The following DIPK2A variants were observed in gnomAD, a reference collection of about 807,000 sequenced individuals.
The protein encoded by DIPK2A is divergent protein kinase domain 2A, also known as Golgi Protein of 49 kDa.
A neutral mutation model predicts 39.0 loss-of-function variants in DIPK2A; 27 were observed. The observed-to-expected ratio is 0.69, with a 90% confidence interval of 0.51 to 0.96. The LOEUF (loss-of-function observed/expected upper bound fraction) is 0.96. Ranked by LOEUF, DIPK2A falls within the 40% of genes least tolerant of loss-of-function variation. The probability of loss-of-function intolerance (pLI) is 0.00; values close to 1 mark genes in which losing one functional copy is unlikely to be tolerated. For synonymous variants in DIPK2A, 298 were observed against 240.8 expected, an observed-to-expected ratio of 1.24 and a Z score of -2.20; for missense variants, 528 against 571.3, an observed-to-expected ratio of 0.92 and a Z score of 0.77.
At position 143,989,601 on chromosome 3, in the gene DIPK2A, T is replaced by C. The variant is rs2087951092; in HGVS notation, c.1053T>C (p.Cys351=). ...ACLSFSKEIL[C]ARATVDHNYY... ...TATCATTTTCAAAAGAAATTCTTTG[T>C]GCTCGTGCCACTGTGGACCACAATT... The change falls in exon 3 of 3, where the codon TGT becomes TGC. Residue 351 remains cysteine, a synonymous_variant. Coordinates refer to ENST00000315691, the MANE Select transcript of DIPK2A (RefSeq NM_173552.5). 2 of 1,614,250 alleles carry C rather than the reference T, an allele frequency of 1.2e-6. No homozygotes were observed. Among genetic ancestry groups the C allele is most frequent in the Non-Finnish European group, 1.7e-6 (2 of 1,180,034 alleles).
intron 1 of DIPK2A, among the ~76,000 whole-genome samples, chr3:143,974,930 T>C (rs1389941137): frequency 1.3e-5 from 2 of 152,178 alleles, no homozygotes; most frequent in African/African-American, 4.8e-5. Context: ...TACTTTGTAG[T>C]TGAGATAGTC....
intron 1 of DIPK2A, among the ~76,000 whole-genome samples, chr3:143,984,620 A>C (rs1576811696): frequency 6.6e-6 from 1 of 152,054 alleles, no homozygotes; most frequent in Non-Finnish European, 1.5e-5. Flanking sequence ...TAGCAGTGGA[A>C]GGTATCTTAG....
At chr3:143,985,032 T>C (rs1161749479) in intron 1 of DIPK2A, among the ~76,000 whole-genome samples, 1 of 152,188 alleles carries the variant, frequency 6.6e-6, no homozygotes, top group Non-Finnish European at 1.5e-5. Context: ...TTCATAATTA[T>C]TTGTTTGGTG....
rs1327315406 is a variant in DIPK2A at position 143,990,911 on chromosome 3, T to G, written c.*1070T>G. 6 of 152,578 alleles carry G rather than the reference T, an allele frequency of 3.9e-5. No individual in the cohort carries two copies. Among genetic ancestry groups the G allele is most frequent in the Admixed American group, 3.9e-4 (6 of 15,278 alleles). 9.5% of individuals were successfully genotyped at this position (152,578 alleles called of 1,614,324 possible). ...ACTGCTTTCAAGTAATTTAAAGTTA[T>G]CCTACCTTTTATTCATGGGTAGTTT... On this transcript the variant is annotated 3_prime_UTR_variant, in exon 3 of 3. Coordinates refer to ENST00000315691, the MANE Select transcript of DIPK2A (RefSeq NM_173552.5).
intron 2 of DIPK2A, among the ~76,000 whole-genome samples, chr3:143,988,352 G>A (rs1171824269): frequency 6.6e-6 from 1 of 152,020 alleles, no homozygotes; most frequent in African/African-American, 2.4e-5. Flanking sequence ...CTCCCACCTT[G>A]GCCTCTCAAA....
In DIPK2A at chr3:143,978,618, ATATC is replaced by A. The variant is rs1371190156; in HGVS notation, c.657+5633_657+5636del. The A allele has an allele frequency of 2.1e-4, 7 of 32,746 alleles. 1 individual carries two copies. In the African/African-American group the frequency reaches 2.8e-3, roughly 13 times the overall value. The allele number at this position is 32,746 out of a possible 1,614,324, so 2.0% of individuals were successfully genotyped here. ...TCTATCTATCTATATATATATATCT[ATATC>A]TATATATATATATATATCTATATAT... is the stretch of plus-strand genomic sequence containing the variant. On this transcript the variant is annotated intron_variant, in intron 1 of 2. Coordinates refer to ENST00000315691, the MANE Select transcript of DIPK2A (RefSeq NM_173552.5).
chr3:143,972,382 A>G lies in DIPK2A; in HGVS notation c.50A>G (p.Lys17Arg). The G allele has an allele frequency of 4.9e-6, 7 of 1,421,332 alleles. No individual in the cohort carries two copies. The highest frequency in any genetic ancestry group is 6.4e-6 in the Non-Finnish European group (7 of 1,085,898). 88.0% of individuals were successfully genotyped at this position (1,421,332 alleles called of 1,614,324 possible). ...PKLGRLSRSL[K>R]LAALGSLLVL... ...CTGGGCCGCCTGTCCCGCTCGCTGA[A>G]GCTGGCGGCGCTGGGCAGCCTGTTG... Residue 17 changes from lysine (K) to arginine (R), a missense_variant, in exon 1 of 3, where the codon AAG (lysine) becomes AGG (arginine). Physicochemically the swap from Lys to Arg is conservative, Grantham distance 26 (BLOSUM62 2). This residue lies in a region of DIPK2A where 309 missense variants were observed against 289.8 expected (regional missense o/e 1.07). Coordinates refer to ENST00000315691, the MANE Select transcript of DIPK2A (RefSeq NM_173552.5).
chr3:143,977,446 T>G (rs2087747015), intron 1 of DIPK2A, among the ~76,000 whole-genome samples: 1 of 152,008 alleles, frequency 6.6e-6, no homozygotes, highest in Non-Finnish European at 1.5e-5. Flanking sequence ...ACCCCCAAAT[T>G]TTTACACACA....
At chr3:143,977,691 C>T (rs1239668547) in intron 1 of DIPK2A, among the ~76,000 whole-genome samples, 1 of 152,068 alleles carries the variant, frequency 6.6e-6, no homozygotes. Flanking sequence ...CTTAGTAGAG[C>T]AGTTTTTAAT....
intron 1 of DIPK2A, among the ~76,000 whole-genome samples, chr3:143,976,555 T>TGAGA (rs1186765697): frequency 4.3e-4 from 51 of 118,074 alleles, no homozygotes; most frequent in East Asian, 6.4e-4. Flanking sequence ...TGTGTGTGTG[T>TGAGA]GAGAGAGAGA....
chr3:143,990,109 TAATG>T lies in DIPK2A; in HGVS notation c.*272_*275del. ...ACTACCCCGGAATGCTTGAGTGGATTAATGAATATTGTTAAGCTATTGGAAATGA... is the reference window on the plus strand; with the variant it reads ...ACTACCCCGGAATGCTTGAGTGGATTAATATTGTTAAGCTATTGGAAATGA... On this transcript the variant is annotated 3_prime_UTR_variant, in exon 3 of 3. Transcript: ENST00000315691. The T allele has an allele frequency of 2.6e-6, 1 of 386,914 alleles. No homozygotes were observed. Among genetic ancestry groups the T allele is most frequent in the Admixed American group, 4.1e-5 (1 of 24,360 alleles). 24.0% of individuals were successfully genotyped at this position (386,914 alleles called of 1,614,324 possible).
rs1441751067 is a variant in DIPK2A at position 143,989,635 on chromosome 3, G to A, written c.1087G>A (p.Val363Ile). ...CACTGTGGACCACAATTACTATGCT[G>A]TTTGTCAGAACCTCTTATCCAGACA... ...RATVDHNYYA[V>I]CQNLLSRHAT... The change falls in exon 3 of 3, where the codon GTT (valine) becomes ATT (isoleucine). Residue 363 changes from valine to isoleucine, a missense_variant. Val to Ile is a conservative substitution (Grantham distance 29). This residue lies in a region of DIPK2A where 219 missense variants were observed against 281.5 expected (regional missense o/e 0.78). Transcript: ENST00000315691. 3 of 1,614,188 alleles carry A rather than the reference G, an allele frequency of 1.9e-6. No individual in the cohort carries two copies. Among genetic ancestry groups the A allele is most frequent in the Non-Finnish European group, 1.7e-6 (2 of 1,180,032 alleles).
rs918851375 is a variant in DIPK2A, at chr3:143,980,315, C to T, written c.658-5228C>T. 8.6e-5 allele frequency among the ~76,000 whole-genome samples: 13 copies of T among 152,026 alleles called. No individual in the cohort carries two copies. In the East Asian group the frequency reaches 9.6e-4, roughly 11 times the overall value. On this transcript the variant is annotated intron_variant, in intron 1 of 2. Transcript: ENST00000315691. ...TTGATGGAGTCTCTGTCATCCAGGC[C>T]GGAGTGCAGTGGCGTGATCTCAGTT... is the stretch of plus-strand genomic sequence containing the variant.
chr3:143,986,755 A>AATT (rs1377634252), intron 2 of DIPK2A, among the ~76,000 whole-genome samples: 5 of 151,850 alleles, frequency 3.3e-5, no homozygotes, highest in Non-Finnish European at 5.9e-5. Flanking sequence ...AATTAAAGAA[A>AATT]ATTAAATGCC....
chr3:143,978,697 TATATAC>T (rs1198197081), intron 1 of DIPK2A, among the ~76,000 whole-genome samples: 9 of 141,702 alleles, frequency 6.4e-5, no homozygotes, highest in Non-Finnish European at 1.4e-4. Flanking sequence ...TATATATATA[TATATAC>T]TGTCACATGA....
chr3:143,988,895 C>A (rs2087943799), intron 2 of DIPK2A, among the ~76,000 whole-genome samples: 1 of 152,136 alleles, frequency 6.6e-6, no homozygotes, highest in South Asian at 2.1e-4. Flanking sequence ...GATCTTAATC[C>A]TTCCAATCTT....
At chr3:143,985,224 G>A (rs1404062465) in intron 1 of DIPK2A, among the ~76,000 whole-genome samples, 2 of 152,208 alleles carry the variant, frequency 1.3e-5, no homozygotes, top group Non-Finnish European at 2.9e-5. Context: ...GAAGATAAGG[G>A]AAAGCATAAA....
In DIPK2A at chr3:143,978,703, CT is replaced by C. The variant is rs543143494; in HGVS notation, c.657+5715del. Among the ~76,000 whole-genome samples the C allele has an allele frequency of 4.6e-3, 582 of 127,860 alleles. 5 individuals carry two copies. The highest frequency in any genetic ancestry group is 0.016 in the African/African-American group (552 of 35,286). The allele number at this position is 127,860 out of a possible 152,430, so 83.9% of individuals were successfully genotyped here. A position where few individuals can be genotyped will look rare whatever the true frequency, so the allele number is the denominator to read the frequency against. The stretch of plus-strand genomic sequence containing the variant: ...ATATCTATATATATATATATATATA[CT>C]GTCACATGACTCAGGGAGGGACATC... On this transcript the variant is annotated intron_variant, in intron 1 of 2. Transcript: ENST00000315691.
chr3:143,985,229 CATAA>C (rs1298897283), intron 1 of DIPK2A, among the ~76,000 whole-genome samples: 1 of 152,182 alleles, frequency 6.6e-6, no homozygotes. Context: ...TAAGGGAAAG[CATAA>C]ATACTTTTAG....
Sources: allele counts gnomAD v4.1 joint callset (sites outside exome capture counted in the v4.1 genomes callset), GRCh38; gene constraint gnomAD v4.1.1; regional missense constraint gnomAD v4.1.1; transcripts MANE v1.5; gene names NCBI Gene and HGNC (gene_info 2026-07-23, HGNC 2026-07-21).